SERPINA9: variants seen among roughly 807,000 people sequenced by gnomAD.
The protein encoded by SERPINA9 is serpin family A member 9.
A neutral mutation model predicts 24.5 loss-of-function variants in SERPINA9; 32 were observed. That is an observed-to-expected ratio of 1.30 (90% CI 0.98 to 1.75). The LOEUF is 1.75. Ranked by LOEUF, SERPINA9 falls within the 40% of genes most tolerant of loss-of-function variation. The probability of loss-of-function intolerance (pLI) is 0.00; values close to 1 mark genes in which losing one functional copy is unlikely to be tolerated. For synonymous variants in SERPINA9, 233 were observed against 197.7 expected, an observed-to-expected ratio of 1.18 and a Z score of -1.50; for missense variants, 594 against 497.1, an observed-to-expected ratio of 1.19 and a Z score of -1.85.
At chr14:94,467,432 G>T (rs1284550974) in intron 2 of SERPINA9, 50 bp from the exon 3 acceptor site, 7 of 1,500,518 alleles carry the variant, frequency 4.7e-6, no homozygotes, top group Non-Finnish European at 4.5e-6. Context: ...CAATTAGTGA[G>T]GCAAAGACAG....
At chr14:94,473,029 T>C (rs964877683) in intron 1 of SERPINA9, among the ~76,000 whole-genome samples, 15 of 152,258 alleles carry the variant, frequency 9.9e-5, no homozygotes, top group Admixed American at 4.6e-4. Flanking sequence ...TGGAACCCAC[T>C]GGGGGATGGC....
intron 1 of SERPINA9, chr14:94,475,850 G>T (rs1899607452): frequency 4.0e-6 from 2 of 497,758 alleles, no homozygotes; most frequent in South Asian, 3.7e-5. Flanking sequence ...TCTAGCAGCT[G>T]CCCTATTTCA....
chr14:94,467,164 C>G lies in SERPINA9; in HGVS notation c.847G>C (p.Glu283Gln), dbSNP rs778497863. The G allele has an allele frequency of 6.2e-7, 1 of 1,614,202 alleles. No individual in the cohort carries two copies. The highest frequency in any genetic ancestry group is 1.7e-5 in the Admixed American group (1 of 60,026). ...LPSKGKMRQL[E>Q]QALSARTLRK... The stretch of plus-strand genomic sequence containing the variant: ...AGTGTTCTGGCTGACAAGGCCTGTT[C>G]CAGTTGCCTCATCTTGCCCTTGCTA... The change falls in exon 3 of 5, where the codon GAA becomes CAA. Residue 283 changes from glutamate (E) to glutamine (Q), a missense_variant. Coordinates refer to ENST00000674397, the MANE Select transcript of SERPINA9 (RefSeq NM_175739.4).
chr14:94,469,385 G>T lies in SERPINA9; in HGVS notation c.456C>A (p.Val152=). The T allele has an allele frequency of 6.2e-7, 1 of 1,614,180 alleles. No individual in the cohort carries two copies. The highest frequency in any genetic ancestry group is 1.3e-5 in the African/African-American group (1 of 75,028). The change falls in exon 2 of 5, where the codon GTC becomes GTA. Residue 152 remains valine, a synonymous_variant. Coordinates refer to ENST00000674397, the MANE Select transcript of SERPINA9 (RefSeq NM_175739.4). ...AGACTTCTGCTTCATACAGCCTCTTGACATTGCCCAAGAAATTTGCCTGCA... is the reference window on the plus strand; with the variant it reads ...AGACTTCTGCTTCATACAGCCTCTTTACATTGCCCAAGAAATTTGCCTGCA... ...LQLQANFLGN[V]KRLYEAEVFS...
At position 94,463,223 on chromosome 14, in the gene SERPINA9, A is replaced by G. The variant is rs200611583; in HGVS notation, c.1124T>C (p.Ile375Thr). 1 of 1,614,106 alleles carries G rather than the reference A, an allele frequency of 6.2e-7. No individual in the cohort carries two copies. Among genetic ancestry groups the G allele is most frequent in the Non-Finnish European group, 8.5e-7 (1 of 1,180,038 alleles). ...EATAATTTKF[I>T]VRSKDGPSYF... is the part of the protein sequence containing the mutation. ...AGAGGGGCCATCCTTCGATCGGACT[A>G]TGAACTTGGTGGTGGTAGCTGCTGT... Residue 375 changes from isoleucine to threonine, a missense_variant, in exon 5 of 5, where the codon ATA becomes ACA. Transcript: ENST00000674397.
chr14:94,471,043 G>A (rs189185571), intron 1 of SERPINA9, among the ~76,000 whole-genome samples: 6 of 152,284 alleles, frequency 3.9e-5, no homozygotes, highest in South Asian at 2.1e-4. Flanking sequence ...GGTCACATCC[G>A]TCTGAAGGCT....
rs1477274261 is a variant in SERPINA9, at chr14:94,467,246, G to A, written c.765C>T (p.Asn255=). ...QFAFGVDTEL[N]CFVLQMDYKG... Reference sequence around the variant, plus strand: ...TGTAATCCATCTGCAGCACAAAGCAGTTCAGCTCTGTATCCACCCCAAAAG... The same window carrying A: ...TGTAATCCATCTGCAGCACAAAGCAATTCAGCTCTGTATCCACCCCAAAAG... The change falls in exon 3 of 5, where the codon AAC becomes AAT. Residue 255 remains asparagine, a synonymous_variant. Coordinates refer to ENST00000674397, the MANE Select transcript of SERPINA9 (RefSeq NM_175739.4). 3 of 1,614,106 alleles carry A rather than the reference G, an allele frequency of 1.9e-6. No individual in the cohort carries two copies. The highest frequency in any genetic ancestry group is 2.5e-6 in the Non-Finnish European group (3 of 1,180,050).
chr14:94,472,508 A>G (rs1295083170), intron 1 of SERPINA9, among the ~76,000 whole-genome samples: 1 of 152,182 alleles, frequency 6.6e-6, no homozygotes, highest in Non-Finnish European at 1.5e-5. Flanking sequence ...GTGCCTTTAG[A>G]TAATCTCTAG....
At chr14:94,471,562 C>T (rs1412157339) in intron 1 of SERPINA9, among the ~76,000 whole-genome samples, 1 of 152,190 alleles carries the variant, frequency 6.6e-6, no homozygotes, top group Non-Finnish European at 1.5e-5. Context: ...GTTCATTTCT[C>T]TCCATTTCCA....
In SERPINA9 at chr14:94,469,811, A is replaced by C; in HGVS notation, c.30T>G (p.Phe10Leu). The C allele has an allele frequency of 6.6e-7, 1 of 1,522,198 alleles. No homozygotes were observed. Among genetic ancestry groups the C allele is most frequent in the South Asian group, 1.3e-5 (1 of 75,902 alleles). 94.3% of individuals were successfully genotyped at this position (1,522,198 alleles called of 1,614,324 possible). A position where few individuals can be genotyped will look rare whatever the true frequency, so the allele number is the denominator to read the frequency against. The change falls in exon 2 of 5, where the codon TTT (phenylalanine) becomes TTG (leucine). Residue 10 changes from phenylalanine to leucine, a missense_variant. Phe to Leu is a conservative substitution (Grantham distance 22). Coordinates refer to ENST00000674397, the MANE Select transcript of SERPINA9 (RefSeq NM_175739.4). The stretch of plus-strand genomic sequence containing the variant: ...AGATTGGAGCACAGAGGCCAACAGC[A>C]AAGAGTACTCCATAAAGGTAAGATG... MASYLYGVL[F>L]AVGLCAPIYC... is the part of the protein sequence containing the mutation.
chr14:94,475,931 T>C (rs1216720135), intron 1 of SERPINA9: 6 of 645,754 alleles, frequency 9.3e-6, no homozygotes, highest in Middle Eastern at 8.5e-4. Context: ...TACCTCCAAC[T>C]CACTCACTGG....
chr14:94,470,330 AC>A, intron 1 of SERPINA9: 2 of 458,018 alleles, frequency 4.4e-6, no homozygotes, highest in South Asian at 9.4e-5. Context: ...CTGTTCCCAG[AC>A]ACAGGCATTT....
chr14:94,475,778 T>G (rs573792140), intron 1 of SERPINA9: 2 of 360,992 alleles, frequency 5.5e-6, no homozygotes, highest in East Asian at 9.9e-5. Flanking sequence ...TCTTGCTCGT[T>G]AAGACAAAGA....
chr14:94,465,001 C>A, intron 3 of SERPINA9, 147 bp from the exon 4 acceptor site: 1 of 673,798 alleles, frequency 1.5e-6, no homozygotes, highest in Non-Finnish European at 2.4e-6. Context: ...GCCAAGAAAC[C>A]CAGGTTGCTC....
At chr14:94,475,454 A>G (rs1899556610) in intron 1 of SERPINA9, among the ~76,000 whole-genome samples, 1 of 152,002 alleles carries the variant, frequency 6.6e-6, no homozygotes, top group Admixed American at 6.6e-5. Context: ...ACACACACAC[A>G]CACACACACT....
Position 94,469,473 on chromosome 14 carries a change from A to G in SERPINA9, c.368T>C (p.Val123Ala), listed in dbSNP as rs377345508. 44 of 1,614,048 alleles carry G rather than the reference A, an allele frequency of 2.7e-5. No individual in the cohort carries two copies. Among genetic ancestry groups the G allele is most frequent in the Non-Finnish European group, 3.4e-5 (40 of 1,180,036 alleles). ...CTTCAAGGTCAGGTCTTTGCTGGGA[A>G]CAGTCAGTGAGTGAACCAGGTGCTG... Reference protein sequence around the residue: ...GFQHLVHSLTVPSKDLTLKMG... With the variant: ...GFQHLVHSLTAPSKDLTLKMG... Residue 123 changes from valine to alanine, a missense_variant, in exon 2 of 5, where the codon GTT (valine) becomes GCT (alanine). Transcript: ENST00000674397.
intron 1 of SERPINA9, among the ~76,000 whole-genome samples, chr14:94,471,271 C>T (rs192341846): frequency 6.6e-6 from 1 of 152,124 alleles, no homozygotes; most frequent in Admixed American, 6.5e-5. Context: ...AAAGACTTTA[C>T]CCACTGGAAC....
chr14:94,476,007 G>T, intron 1 of SERPINA9, 129 bp downstream of exon 1: 1 of 1,404,872 alleles, frequency 7.1e-7, no homozygotes, highest in Admixed American at 2.0e-5. Context: ...GCCAACTAAT[G>T]TGTCTAGGTT....
chr14:94,475,422 A>G (rs1899552054), intron 1 of SERPINA9, among the ~76,000 whole-genome samples: 2 of 89,750 alleles, frequency 2.2e-5, no homozygotes, highest in East Asian at 2.7e-4. Flanking sequence ...CTACATGTGC[A>G]CACACACACA....
Sources: gnomAD v4.1 joint callset for allele counts (sites outside exome capture counted in the v4.1 genomes callset) on GRCh38, gnomAD v4.1.1 for gene constraint, MANE v1.5 for transcripts, NCBI Gene and HGNC (gene_info 2026-07-23, HGNC 2026-07-21) for gene names.